Variants in DSCAML1 observed in about 807,000 individuals in gnomAD.
DSCAML1 encodes the protein cell adhesion molecule DSCAML1.
A neutral mutation model predicts 200.5 loss-of-function variants in DSCAML1; 38 were observed. The ratio of observed to expected loss-of-function variants is 0.19; its 90% CI spans 0.15 to 0.25. DSCAML1 has a LOEUF of 0.25. Among genes scored for constraint, DSCAML1 ranks in the 10% least tolerant of loss-of-function variants. DSCAML1 has a pLI of 1.00. For missense variants in DSCAML1, 2,223 were observed against 2,858.8 expected (o/e 0.78, Z 5.07); for synonymous variants, 1,215 against 1,165.0 (o/e 1.04, Z -0.87).
intron 3 of DSCAML1, among the ~76,000 whole-genome samples, chr11:117,608,829 G>A (rs1282686196): frequency 1.3e-5 from 2 of 152,140 alleles, no homozygotes; most frequent in African/African-American, 4.8e-5. Context: ...ATCACCAGCA[G>A]TGTACTGAAG....
At chr11:117,496,984 A>G (rs1388890746) in intron 11 of DSCAML1, among the ~76,000 whole-genome samples, 1 of 152,222 alleles carries the variant, frequency 6.6e-6, no homozygotes, top group East Asian at 1.9e-4. Context: ...GAGGTCAGTA[A>G]GATCTCCCAT....
chr11:117,742,090 G>A (rs1388552081), intron 3 of DSCAML1, among the ~76,000 whole-genome samples: 1 of 152,146 alleles, frequency 6.6e-6, no homozygotes, highest in East Asian at 1.9e-4. Context: ...ATTGCTAGAT[G>A]ACAGATGGCA....
intron 3 of DSCAML1, chr11:117,709,759 G>C (rs756719793): frequency 3.7e-5 from 17 of 454,502 alleles, no homozygotes; most frequent in South Asian, 2.6e-4. Context: ...GCACTGGAAA[G>C]TCTCCTGACC....
intron 3 of DSCAML1, among the ~76,000 whole-genome samples, chr11:117,592,320 G>A (rs2051274161): frequency 6.6e-6 from 1 of 152,160 alleles, no homozygotes; most frequent in Non-Finnish European, 1.5e-5. Context: ...AGCCATTGCA[G>A]TGTCGCCAGT....
At position 117,761,410 on chromosome 11, in the gene DSCAML1, G is replaced by C. The variant is rs527425160; in HGVS notation, c.511+15381C>G. ...CTCCTACAGAGAGTTCAGTCCAGTG[G>C]AAGACCCTGGAACCAAGAACCAGGA... On this transcript the variant is annotated intron_variant, in intron 3 of 32. Transcript: ENST00000651296. Among the ~76,000 whole-genome samples, 145 of 152,356 alleles carry C rather than the reference G, an allele frequency of 9.5e-4. 1 individual carries two copies. Among genetic ancestry groups the C allele is most frequent in the Admixed American group, 3.0e-3 (46 of 15,308 alleles).
chr11:117,631,415 C>T (rs978825997), intron 3 of DSCAML1, among the ~76,000 whole-genome samples: 7 of 152,340 alleles, frequency 4.6e-5, no homozygotes, highest in African/African-American at 9.6e-5. Context: ...AGGAGAGCTG[C>T]GGGCTGCAGG....
At chr11:117,540,522 T>TA (rs2050248260) in intron 3 of DSCAML1, among the ~76,000 whole-genome samples, 1 of 152,054 alleles carries the variant, frequency 6.6e-6, no homozygotes, top group Non-Finnish European at 1.5e-5. Flanking sequence ...ACTTAACCCT[T>TA]AAAAATGATT....
At chr11:117,776,107 G>C (rs1490502435) in intron 3 of DSCAML1, among the ~76,000 whole-genome samples, 1 of 152,120 alleles carries the variant, frequency 6.6e-6, no homozygotes, top group Non-Finnish European at 1.5e-5. Context: ...GTCCTCTCTT[G>C]GGGCTTCTAT....
chr11:117,623,216 CTTTTTTT>C (rs56343852), intron 3 of DSCAML1, among the ~76,000 whole-genome samples: 1,545 of 121,130 alleles, frequency 0.013, 33 homozygotes, highest in African/African-American at 0.045. Flanking sequence ...CTTTTCTTTT[CTTTTTTT>C]TTTTTTTTTT....
At chr11:117,751,406 T>C (rs1426630458) in intron 3 of DSCAML1, among the ~76,000 whole-genome samples, 1 of 151,816 alleles carries the variant, frequency 6.6e-6, no homozygotes, top group Non-Finnish European at 1.5e-5. Flanking sequence ...TTTTTTTTTT[T>C]TTCTCTGTTG....
Position 117,483,682 on chromosome 11 carries a change from C to G in DSCAML1, c.2360-1520G>C, listed in dbSNP as rs185204449. Among the ~76,000 whole-genome samples, 945 of 152,328 alleles carry G rather than the reference C, an allele frequency of 6.2e-3. 14 individuals carry two copies. Among genetic ancestry groups the G allele is most frequent in the African/African-American group, 0.022 (897 of 41,576 alleles). On this transcript the variant is annotated intron_variant, in intron 11 of 32. Transcript: ENST00000651296. ...GGGAAGGGCGCCCAGGCAGGAGAAT[C>G]TGCTTGAGCCAAGGCTCCAAGGCAG...
At chr11:117,578,597 G>A (rs1463273276) in intron 3 of DSCAML1, among the ~76,000 whole-genome samples, 1 of 152,144 alleles carries the variant, frequency 6.6e-6, no homozygotes, top group Non-Finnish European at 1.5e-5. Context: ...CTGAGTCCAG[G>A]AGTTCAAGGC....
chr11:117,767,662 G>A (rs1218157796), intron 3 of DSCAML1, among the ~76,000 whole-genome samples: 2 of 152,204 alleles, frequency 1.3e-5, no homozygotes, highest in Admixed American at 6.5e-5. Flanking sequence ...CTGCCTTGAT[G>A]AGGGAAACAG....
chr11:117,726,267 G>A lies in DSCAML1; in HGVS notation c.511+50524C>T, dbSNP rs113963344. 6.8e-3 allele frequency among the ~76,000 whole-genome samples: 11 copies of A among 1,608 alleles called. 1 individual carries two copies. Among genetic ancestry groups the A allele is most frequent in the African/African-American group, 8.3e-3 (11 of 1,320 alleles). The allele number at this position is 1,608 out of a possible 152,430, so 1.1% of individuals were successfully genotyped here. On this transcript the variant is annotated intron_variant, in intron 3 of 32. Coordinates refer to ENST00000651296, the MANE Select transcript of DSCAML1 (RefSeq NM_020693.4). ...TGTGTATCTCTGTGTGTGTGTGTGCGTGTGTGTGTGTGTGTGTGTGTGTGT... is the reference window on the plus strand; with the variant it reads ...TGTGTATCTCTGTGTGTGTGTGTGCATGTGTGTGTGTGTGTGTGTGTGTGT...
Position 117,504,005 on chromosome 11 carries a change from C to T in DSCAML1, c.2199G>A (p.Gln733=). 6.2e-7 allele frequency: 1 copy of T among 1,613,968 alleles called. No homozygotes were observed. The highest frequency in any genetic ancestry group is 8.5e-7 in the Non-Finnish European group (1 of 1,179,928). The change falls in exon 11 of 33, where the codon CAG becomes CAA. Residue 733 remains glutamine (Q), a synonymous_variant. Transcript: ENST00000651296. This position sits in a 1 kb window ranked among gnomAD's most constrained non-coding sequence, Gnocchi z 5.0. Reference sequence around the variant, plus strand: ...CAGTGAGGGGCACAGGGTGGTACTGCTGGGGGTTCCCGCTCCCTGGAAGGA... The same window carrying T: ...CAGTGAGGGGCACAGGGTGGTACTGTTGGGGGTTCCCGCTCCCTGGAAGGA... ...WKHAKGSGNP[Q]QYHPVPLTGR... is the part of the protein sequence containing the mutation.
chr11:117,686,946 A>T (rs1223412012), intron 3 of DSCAML1, among the ~76,000 whole-genome samples: 2 of 152,228 alleles, frequency 1.3e-5, no homozygotes. Context: ...GTGGATTATG[A>T]CACATTGAAT....
At chr11:117,475,744 C>G (rs974690957) in intron 14 of DSCAML1, among the ~76,000 whole-genome samples, 6 of 152,192 alleles carry the variant, frequency 3.9e-5, no homozygotes, top group Non-Finnish European at 8.8e-5. Flanking sequence ...TGCTCAGCTG[C>G]AAATCACAGG....
intron 3 of DSCAML1, among the ~76,000 whole-genome samples, chr11:117,747,512 T>C (rs762798055): frequency 2.6e-5 from 4 of 152,126 alleles, no homozygotes; most frequent in Admixed American, 6.5e-5. Context: ...GGTAGGGAGT[T>C]ACACATGACT....
chr11:117,547,840 C>G (rs562385474), intron 3 of DSCAML1, among the ~76,000 whole-genome samples: 451 of 152,266 alleles, frequency 3.0e-3, no homozygotes, highest in Middle Eastern at 0.014. Flanking sequence ...CAGGGCAGCC[C>G]AAGCCCACAG....
Sources: gnomAD v4.1 joint callset for allele counts (sites outside exome capture counted in the v4.1 genomes callset) on GRCh38, gnomAD v4.1.1 for gene constraint, Gnocchi (gnomAD v3.1) non-coding constraint, MANE v1.5 for transcripts, NCBI Gene and HGNC (gene_info 2026-07-23, HGNC 2026-07-21) for gene names.